Variants in CNKSR2 observed in about 807,000 individuals in gnomAD.
CNKSR2 encodes the protein connector enhancer of kinase suppressor of Ras 2, also known as CNK homolog protein 2.
Under a neutral mutation model 84.4 loss-of-function variants are expected in CNKSR2, and 14 were observed. The ratio of observed to expected loss-of-function variants is 0.17; its 90% CI spans 0.11 to 0.26. CNKSR2 has a LOEUF of 0.26. Ranked by LOEUF, CNKSR2 falls within the 10% of genes least tolerant of loss-of-function variation. The pLI, the probability that CNKSR2 is intolerant of heterozygous loss-of-function variation, is 1.00. For synonymous variants in CNKSR2, 275 were observed against 277.9 expected, an observed-to-expected ratio of 0.99 and a Z score of 0.10; for missense variants, 485 against 771.2, an observed-to-expected ratio of 0.63 and a Z score of 4.40.
chrX:21,507,565 T>C (rs2091626037), intron 8 of CNKSR2, among the ~76,000 whole-genome samples: 1 of 111,481 alleles, frequency 9.0e-6, no homozygotes, highest in Admixed American at 9.6e-5. Flanking sequence ...GCTATATATA[T>C]ATACGTGTGT....
chrX:21,392,188 C>T (rs1343363836), intron 1 of CNKSR2, among the ~76,000 whole-genome samples: 1 of 112,017 alleles, frequency 8.9e-6, no homozygotes, highest in African/African-American at 3.2e-5. Flanking sequence ...ATCTTCCTGT[C>T]TTCTTCTGAG....
chrX:21,516,408 T>A, intron 8 of CNKSR2, 77 bp from the exon 9 acceptor site: 1 of 1,018,332 alleles, frequency 9.8e-7, no homozygotes, highest in East Asian at 3.1e-5. Flanking sequence ...TTTTTACTAA[T>A]CTTATTAAAG....
At chrX:21,600,028 C>A (rs148224676) in intron 17 of CNKSR2, among the ~76,000 whole-genome samples, 4 of 111,671 alleles carry the variant, frequency 3.6e-5, no homozygotes, top group African/African-American at 1.3e-4. Context: ...CCAGTCTTTT[C>A]TTCACTTCCC....
chrX:21,483,959 AATACTGAATT>A (rs1325510251), intron 5 of CNKSR2, among the ~76,000 whole-genome samples: 2 of 112,103 alleles, frequency 1.8e-5, no homozygotes, highest in Non-Finnish European at 3.8e-5. Context: ...CAGAACTTAT[AATACTGAATT>A]ATACTAATAT....
At position 21,654,296 on chromosome X, in the gene CNKSR2, A is replaced by C. The variant is rs920976829; in HGVS notation, c.*1775A>C. 1 of 99,555 alleles carries C rather than the reference A, an allele frequency of 1.0e-5. No homozygotes were observed. Among genetic ancestry groups the C allele is most frequent in the Admixed American group, 1.1e-4 (1 of 9,135 alleles). 8.2% of individuals were successfully genotyped at this position (99,555 alleles called of 1,213,427 possible). On this transcript the variant is annotated 3_prime_UTR_variant, in exon 22 of 22. Transcript: ENST00000379510. Reference sequence around the variant, plus strand: ...GTAAAAAAAAAAAAAAAAAAAAAACAAAAAACCTCTTGTCCTAAAATGAAG... The same window carrying C: ...GTAAAAAAAAAAAAAAAAAAAAAACCAAAAACCTCTTGTCCTAAAATGAAG...
chrX:21,448,752 A>G (rs1780334982), intron 4 of CNKSR2, among the ~76,000 whole-genome samples: 1 of 111,847 alleles, frequency 8.9e-6, no homozygotes. Context: ...GCACCAACCT[A>G]ATAGTTATAG....
chrX:21,482,208 T>A (rs1435727028), intron 5 of CNKSR2, among the ~76,000 whole-genome samples: 1 of 112,448 alleles, frequency 8.9e-6, no homozygotes, highest in East Asian at 2.8e-4. Flanking sequence ...ACAATTCTTT[T>A]GAGAATTTAA....
At chrX:21,582,423 A>G (rs973279072) in intron 13 of CNKSR2, among the ~76,000 whole-genome samples, 2 of 111,937 alleles carry the variant, frequency 1.8e-5, no homozygotes, top group Non-Finnish European at 3.8e-5. Context: ...TGGATGTCTT[A>G]GTGCCAGAAG....
At chrX:21,572,827 G>A (rs1011939412) in intron 13 of CNKSR2, among the ~76,000 whole-genome samples, 5 of 110,799 alleles carry the variant, frequency 4.5e-5, no homozygotes, top group East Asian at 2.8e-4. Context: ...ATATCATTAC[G>A]CCCTTAGCCC....
chrX:21,539,476 G>A (rs2091957745), intron 11 of CNKSR2, among the ~76,000 whole-genome samples: 1 of 108,110 alleles, frequency 9.2e-6, no homozygotes, highest in African/African-American at 3.6e-5. Context: ...TCATTATTTT[G>A]AATTGCTTTT....
intron 18 of CNKSR2, among the ~76,000 whole-genome samples, chrX:21,605,654 A>C (rs1040367179): frequency 8.9e-6 from 1 of 111,836 alleles, no homozygotes; most frequent in African/African-American, 3.3e-5. Flanking sequence ...TTTCTATTTG[A>C]TATGTAGTAA....
chrX:21,486,564 A>G (rs1219439444), intron 5 of CNKSR2, among the ~76,000 whole-genome samples: 1 of 111,884 alleles, frequency 8.9e-6, no homozygotes, highest in Non-Finnish European at 1.9e-5. Context: ...ACTCGCTATA[A>G]TACCTACTTT....
intron 11 of CNKSR2, among the ~76,000 whole-genome samples, chrX:21,534,740 G>A (rs1385289245): frequency 4.1e-4 from 45 of 110,894 alleles, no homozygotes; most frequent in Non-Finnish European, 5.7e-5. Flanking sequence ...CTGCTTTCAC[G>A]CAATGTCTAT....
At chrX:21,411,811 T>C (rs2090349685) in intron 1 of CNKSR2, among the ~76,000 whole-genome samples, 1 of 111,380 alleles carries the variant, frequency 9.0e-6, no homozygotes, top group South Asian at 3.8e-4. Flanking sequence ...GTTTGTGTGA[T>C]TACTTACTTA....
intron 4 of CNKSR2, among the ~76,000 whole-genome samples, chrX:21,441,784 A>T (rs190920419): frequency 6.3e-5 from 7 of 111,771 alleles, no homozygotes; most frequent in Non-Finnish European, 1.3e-4. Flanking sequence ...GTAGACTTTT[A>T]AAAAAATCTA....
intron 16 of CNKSR2, 27 bp from the exon 17 acceptor site, chrX:21,595,297 A>G: frequency 9.0e-7 from 1 of 1,109,010 alleles, no homozygotes; most frequent in Non-Finnish European, 1.2e-6. Context: ...CCAATTTGTA[A>G]TAAATGTACT....
chrX:21,382,881 C>T (rs978893785), intron 1 of CNKSR2, among the ~76,000 whole-genome samples: 1 of 111,836 alleles, frequency 8.9e-6, no homozygotes, highest in African/African-American at 3.2e-5. Flanking sequence ...TTGAAGGGCA[C>T]TTGTTAAGAA....
chrX:21,419,721 C>A (rs933317546), intron 1 of CNKSR2, among the ~76,000 whole-genome samples: 4 of 111,966 alleles, frequency 3.6e-5, no homozygotes, highest in African/African-American at 1.3e-4. Context: ...GACTTTTGTT[C>A]TCTTCCCTTA....
chrX:21,594,907 G>C (rs945500931), intron 15 of CNKSR2, 67 bp from the exon 16 acceptor site: 2 of 817,064 alleles, frequency 2.4e-6, no homozygotes, highest in African/African-American at 4.1e-5. Flanking sequence ...CTAAGCCATA[G>C]TTACAGAGTA....
Sources: allele counts gnomAD v4.1 joint callset (sites outside exome capture counted in the v4.1 genomes callset), GRCh38; gene constraint gnomAD v4.1.1; transcripts MANE v1.5; gene names NCBI Gene and HGNC (gene_info 2026-07-23, HGNC 2026-07-21).